NRG1: variants seen among roughly 807,000 people sequenced by gnomAD.
The protein encoded by NRG1 is pro-neuregulin-1, membrane-bound isoform.
In NRG1, 18 loss-of-function variants were observed where a neutral mutation model predicts 63.8. The ratio of observed to expected loss-of-function variants is 0.28; its 90% CI spans 0.19 to 0.42. The LOEUF (loss-of-function observed/expected upper bound fraction) is 0.42, where lower values mean the gene tolerates loss of function less well. Ranked by LOEUF, NRG1 falls within the 10% of genes least tolerant of loss-of-function variation. NRG1 has a pLI of 1.00. For missense variants in NRG1, 762 were observed against 814.7 expected, an observed-to-expected ratio of 0.94 and a Z score of 0.79; for synonymous variants, 302 against 301.3, an observed-to-expected ratio of 1.00 and a Z score of -0.02.
At chr8:32,004,874 G>A (rs1336292450) in intron 1 of NRG1, among the ~76,000 whole-genome samples, 1 of 151,540 alleles carries the variant, frequency 6.6e-6, no homozygotes, top group Non-Finnish European at 1.5e-5. Flanking sequence ...TTGTCTTGGG[G>A]GCAATATAAA....
chr8:31,991,894 G>A (rs1470528213), intron 1 of NRG1, among the ~76,000 whole-genome samples: 3 of 151,794 alleles, frequency 2.0e-5, no homozygotes, highest in Non-Finnish European at 4.4e-5. Context: ...TTTTTATCAA[G>A]GGAAAAATAA....
intron 1 of NRG1, among the ~76,000 whole-genome samples, chr8:31,862,975 T>C (rs754316801): frequency 3.3e-5 from 5 of 152,184 alleles, no homozygotes; most frequent in Non-Finnish European, 5.9e-5. Context: ...TTTCTATGAA[T>C]CATGTGTTAG....
intron 1 of NRG1, among the ~76,000 whole-genome samples, chr8:32,110,442 T>C (rs1481757): frequency 0.72 from 109,480 of 151,968 alleles, 39,787 homozygotes; most frequent in Admixed American, 0.8. Flanking sequence ...ACACAGTGAG[T>C]AATTGAAATC....
At chr8:31,764,395 C>T (rs1026161886) in intron 1 of NRG1, among the ~76,000 whole-genome samples, 1 of 152,118 alleles carries the variant, frequency 6.6e-6, no homozygotes, top group African/African-American at 2.4e-5. Context: ...GATGACTTCC[C>T]TCCTGACCCC....
At chr8:32,262,854 G>C (rs572362301) in intron 1 of NRG1, among the ~76,000 whole-genome samples, 1 of 152,098 alleles carries the variant, frequency 6.6e-6, no homozygotes, top group Non-Finnish European at 1.5e-5. Flanking sequence ...TAATAGGTTG[G>C]TCAAATCCTG....
chr8:32,484,871 G>A (rs1587913805), intron 1 of NRG1, among the ~76,000 whole-genome samples: 2 of 152,258 alleles, frequency 1.3e-5, no homozygotes, highest in African/African-American at 4.8e-5. Flanking sequence ...TGTAAAAAGA[G>A]CCTGGAAATA....
intron 1 of NRG1, among the ~76,000 whole-genome samples, chr8:32,239,356 T>G (rs1292706139): frequency 1.3e-5 from 2 of 150,464 alleles, no homozygotes; most frequent in African/African-American, 4.9e-5. Flanking sequence ...TTCTCACATC[T>G]TATACAGAAA....
At chr8:32,067,807 A>AT (rs537618676) in intron 1 of NRG1, among the ~76,000 whole-genome samples, 122 of 152,162 alleles carry the variant, frequency 8.0e-4, no homozygotes, top group African/African-American at 2.8e-3. Flanking sequence ...AAATATAAAC[A>AT]TTTTTTCATA....
intron 5 of NRG1, among the ~76,000 whole-genome samples, chr8:32,688,966 C>T (rs1026389946): frequency 6.6e-6 from 1 of 152,094 alleles, no homozygotes; most frequent in Non-Finnish European, 1.5e-5. Flanking sequence ...GGTCGTCACA[C>T]CATAATCTTA....
chr8:32,344,047 T>C (rs1425224661), intron 1 of NRG1, among the ~76,000 whole-genome samples: 1 of 152,226 alleles, frequency 6.6e-6, no homozygotes, highest in African/African-American at 2.4e-5. Context: ...TAAAGTCTAG[T>C]AATTCCTTCA....
chr8:32,355,003 T>C (rs775730904), intron 1 of NRG1, among the ~76,000 whole-genome samples: 8 of 151,758 alleles, frequency 5.3e-5, no homozygotes, highest in Non-Finnish European at 1.0e-4. Context: ...ATTTAAAAGA[T>C]AAAAGAAACT....
chr8:32,654,786 T>C (rs1406403203), intron 5 of NRG1, among the ~76,000 whole-genome samples: 1 of 152,088 alleles, frequency 6.6e-6, no homozygotes, highest in South Asian at 2.1e-4. Context: ...AGAAATTAGT[T>C]CCTTAGTGCT....
At chr8:32,168,852 T>G (rs559380608) in intron 1 of NRG1, among the ~76,000 whole-genome samples, 1 of 152,282 alleles carries the variant, frequency 6.6e-6, no homozygotes, top group East Asian at 1.9e-4. Flanking sequence ...ATTGTAAATG[T>G]CCTTATTTAT....
chr8:31,770,508 A>G (rs912428685), intron 1 of NRG1, among the ~76,000 whole-genome samples: 1 of 151,828 alleles, frequency 6.6e-6, no homozygotes, highest in South Asian at 2.1e-4. Context: ...TCAGCAAACT[A>G]TCGCAAGGAC....
At chr8:32,443,422 T>C (rs1819811723) in intron 1 of NRG1, among the ~76,000 whole-genome samples, 1 of 152,008 alleles carries the variant, frequency 6.6e-6, no homozygotes. Context: ...AAAGAAATAG[T>C]AGACTGAAAT....
intron 1 of NRG1, among the ~76,000 whole-genome samples, chr8:32,028,902 G>T (rs1224040149): frequency 6.6e-6 from 1 of 152,054 alleles, no homozygotes; most frequent in East Asian, 1.9e-4. Flanking sequence ...TGATGAAAAA[G>T]TTTTTTAGTA....
chr8:32,004,142 A>G (rs1043878527), intron 1 of NRG1, among the ~76,000 whole-genome samples: 11 of 152,088 alleles, frequency 7.2e-5, no homozygotes, highest in Non-Finnish European at 5.9e-5. Flanking sequence ...AAAAGGCTGT[A>G]TGATTGCAGC....
chr8:32,624,848 TA>T (rs1333479461), intron 5 of NRG1, among the ~76,000 whole-genome samples: 2 of 152,192 alleles, frequency 1.3e-5, no homozygotes, highest in South Asian at 2.1e-4. Context: ...ATGGATCCTT[TA>T]AAAAAAATCC....
At chr8:31,658,372 C>G (rs1051507611) in intron 1 of NRG1, among the ~76,000 whole-genome samples, 1 of 152,198 alleles carries the variant, frequency 6.6e-6, no homozygotes, top group Admixed American at 6.5e-5. Context: ...TTAGTTTTCT[C>G]TTTGTAAAAT....
Sources: gnomAD v4.1 joint callset for allele counts (sites outside exome capture counted in the v4.1 genomes callset) on GRCh38, gnomAD v4.1.1 for gene constraint, MANE v1.5 for transcripts, NCBI Gene and HGNC (gene_info 2026-07-23, HGNC 2026-07-21) for gene names.